Variants in EPSTI1 observed in about 807,000 individuals in gnomAD.
EPSTI1 encodes epithelial stromal interaction 1, also known as epithelial-stromal interaction protein 1.
In EPSTI1, 66 loss-of-function variants were observed where a neutral mutation model predicts 49.9. That is an observed-to-expected ratio of 1.32 (90% CI 1.08 to 1.62). The LOEUF (loss-of-function observed/expected upper bound fraction) is 1.62. Among genes scored for constraint, EPSTI1 ranks in the 40% most tolerant of loss-of-function variants. The pLI is 0.00. For synonymous variants in EPSTI1, 137 were observed against 130.7 expected, an observed-to-expected ratio of 1.05 and a Z score of -0.33; for missense variants, 394 against 365.5, an observed-to-expected ratio of 1.08 and a Z score of -0.64.
chr13:42,905,478 T>C (rs550151967), intron 8 of EPSTI1, among the ~76,000 whole-genome samples: 2 of 152,326 alleles, frequency 1.3e-5, no homozygotes, highest in Non-Finnish European at 2.9e-5. Flanking sequence ...CTTATAAGCA[T>C]ATTCTTGGTT....
intron 6 of EPSTI1, among the ~76,000 whole-genome samples, chr13:42,935,728 A>G (rs2038540063): frequency 6.6e-6 from 1 of 151,972 alleles, no homozygotes; most frequent in East Asian, 1.9e-4. Flanking sequence ...AGTAGCTGGG[A>G]TTACAGGCAC....
At chr13:42,901,785 C>CT (rs1265585343) in intron 8 of EPSTI1, among the ~76,000 whole-genome samples, 1 of 151,930 alleles carries the variant, frequency 6.6e-6, no homozygotes, top group African/African-American at 2.4e-5. Flanking sequence ...TATTATTATA[C>CT]TTTAAGTTTT....
intron 8 of EPSTI1, among the ~76,000 whole-genome samples, chr13:42,910,499 C>T (rs2037638583): frequency 6.6e-6 from 1 of 152,080 alleles, no homozygotes; most frequent in Non-Finnish European, 1.5e-5. Context: ...GGTGATCCTC[C>T]TGCCTCGGCC....
intron 1 of EPSTI1, among the ~76,000 whole-genome samples, chr13:42,989,563 TTTTC>T (rs1334696034): frequency 2.6e-5 from 3 of 115,282 alleles, no homozygotes; most frequent in Non-Finnish European, 5.6e-5. Context: ...TTATCCTCTT[TTTTC>T]TTTTTTTTTT....
chr13:42,918,637 A>G (rs2037905691), intron 7 of EPSTI1, among the ~76,000 whole-genome samples: 1 of 152,236 alleles, frequency 6.6e-6, no homozygotes. Flanking sequence ...CACTTCCCAG[A>G]AAAAGAGAGA....
At chr13:42,951,809 G>A (rs1338906928) in intron 6 of EPSTI1, among the ~76,000 whole-genome samples, 4 of 152,156 alleles carry the variant, frequency 2.6e-5, no homozygotes, top group African/African-American at 7.2e-5. Context: ...CTCTTCCAAT[G>A]TAAAACTAGT....
At chr13:42,949,891 A>G (rs1279553026) in intron 6 of EPSTI1, among the ~76,000 whole-genome samples, 1 of 152,126 alleles carries the variant, frequency 6.6e-6, no homozygotes, top group African/African-American at 2.4e-5. Context: ...TAAAATTTTA[A>G]ATGCTGAGAT....
chr13:42,913,913 T>C (rs2037756204), intron 8 of EPSTI1, among the ~76,000 whole-genome samples: 1 of 152,214 alleles, frequency 6.6e-6, no homozygotes, highest in African/African-American at 2.4e-5. Flanking sequence ...CAGTGAGTTC[T>C]CAGGAAATAT....
chr13:42,911,271 G>GCGCA (rs1555259524), intron 8 of EPSTI1, among the ~76,000 whole-genome samples: 1 of 138,148 alleles, frequency 7.2e-6, no homozygotes, highest in Non-Finnish European at 1.6e-5. Flanking sequence ...GTGTGCGCGC[G>GCGCA]CACGCGCGCA....
At chr13:42,919,012 A>ACAGCT (rs1401122284) in intron 7 of EPSTI1, among the ~76,000 whole-genome samples, 1 of 152,150 alleles carries the variant, frequency 6.6e-6, no homozygotes, top group East Asian at 1.9e-4. Flanking sequence ...AGGAAAGAAG[A>ACAGCT]CAGCTTCTAC....
At chr13:42,944,454 G>T (rs2038858745) in intron 6 of EPSTI1, among the ~76,000 whole-genome samples, 1 of 152,086 alleles carries the variant, frequency 6.6e-6, no homozygotes, top group Non-Finnish European at 1.5e-5. Context: ...TCATTCATAA[G>T]TGGGAGTTGA....
intron 1 of EPSTI1, among the ~76,000 whole-genome samples, chr13:42,979,527 G>A (rs2039946085): frequency 6.7e-6 from 1 of 149,348 alleles, no homozygotes. Flanking sequence ...GGAGCTTGCA[G>A]TGAGCCGATA....
intron 10 of EPSTI1, among the ~76,000 whole-genome samples, chr13:42,892,598 T>C (rs1175584981): frequency 6.6e-6 from 1 of 152,210 alleles, no homozygotes; most frequent in Admixed American, 6.5e-5. Flanking sequence ...CTGAAATGTC[T>C]ATTACATATC....
chr13:42,908,282 T>C (rs574244712), intron 8 of EPSTI1, among the ~76,000 whole-genome samples: 1 of 152,236 alleles, frequency 6.6e-6, no homozygotes, highest in African/African-American at 2.4e-5. Flanking sequence ...GGCTAGGAGT[T>C]TGAGACCAGC....
intron 8 of EPSTI1, among the ~76,000 whole-genome samples, chr13:42,909,772 G>A (rs1437789153): frequency 6.6e-6 from 1 of 152,106 alleles, no homozygotes. Context: ...CAGAGGCTGG[G>A]GGGGTTAGGA....
intron 1 of EPSTI1, among the ~76,000 whole-genome samples, chr13:42,975,816 CAAA>C (rs34037470): frequency 6.6e-6 from 1 of 151,090 alleles, no homozygotes; most frequent in South Asian, 2.1e-4. Flanking sequence ...AAAAGCCACA[CAAA>C]AAAAAGTTAG....
Position 42,917,640 on chromosome 13 carries a change from G to GAAAAAA in EPSTI1, c.658-17_658-16insTTTTTT. 3.3e-5 allele frequency: 5 copies of GAAAAAA among 149,384 alleles called. No homozygotes were observed. Among genetic ancestry groups the GAAAAAA allele is most frequent in the South Asian group, 6.9e-5 (1 of 14,590 alleles). 9.3% of individuals were successfully genotyped at this position (149,384 alleles called of 1,614,324 possible). A position where few individuals can be genotyped will look rare whatever the true frequency, so the allele number is the denominator to read the frequency against. On this transcript the variant is annotated splice_polypyrimidine_tract_variant and intron_variant, in intron 7 of 10. Coordinates refer to ENST00000313624, the MANE Select transcript of EPSTI1 (RefSeq NM_033255.5). The stretch of plus-strand genomic sequence containing the variant: ...AGCTTCTGGCCTGTAAAGGTACAAA[G>GAAAAAA]AGAAAAAAAAAAAAAAAAACAACTT...
intron 3 of EPSTI1, among the ~76,000 whole-genome samples, chr13:42,968,666 T>G (rs1295853525): frequency 6.6e-6 from 1 of 151,970 alleles, no homozygotes; most frequent in Non-Finnish European, 1.5e-5. Flanking sequence ...CACTCTCATC[T>G]CCCTCTTGGA....
At chr13:42,903,976 A>C (rs2153413029) in intron 8 of EPSTI1, among the ~76,000 whole-genome samples, 1 of 152,368 alleles carries the variant, frequency 6.6e-6, no homozygotes, top group East Asian at 1.9e-4. Context: ...AGGCTAATTC[A>C]ATTTTCATTT....
Sources: gnomAD v4.1 joint callset for allele counts (sites outside exome capture counted in the v4.1 genomes callset) on GRCh38, gnomAD v4.1.1 for gene constraint, MANE v1.5 for transcripts, NCBI Gene and HGNC (gene_info 2026-07-23, HGNC 2026-07-21) for gene names.